TRAF3IP1: variants seen among roughly 807,000 people sequenced by gnomAD.
TRAF3IP1 encodes the protein intraflagellar transport 54.
Under a neutral mutation model 89.9 loss-of-function variants are expected in TRAF3IP1, and 53 were observed. The ratio of observed to expected loss-of-function variants is 0.59; its 90% CI spans 0.47 to 0.74. The LOEUF (loss-of-function observed/expected upper bound fraction) is 0.74. TRAF3IP1 is among the 30% of genes least tolerant of loss of function. The probability of loss-of-function intolerance (pLI) is 0.00; values close to 1 mark genes in which losing one functional copy is unlikely to be tolerated. For synonymous variants in TRAF3IP1, 311 were observed against 322.1 expected (o/e 0.97, Z 0.37); for missense variants, 806 against 866.1 (o/e 0.93, Z 0.87).
At chr2:238,382,559 G>A (rs549476332) in intron 15 of TRAF3IP1, among the ~76,000 whole-genome samples, 53 of 152,294 alleles carry the variant, frequency 3.5e-4, no homozygotes, top group African/African-American at 1.0e-3. Context: ...AGGTCGGGGA[G>A]GATGAGGGAC....
intron 8 of TRAF3IP1, among the ~76,000 whole-genome samples, chr2:238,340,396 A>G (rs1698585399): frequency 6.6e-6 from 1 of 152,108 alleles, no homozygotes; most frequent in African/African-American, 2.4e-5. Flanking sequence ...CCTTTGTTGC[A>G]CTGACTGACC....
intron 15 of TRAF3IP1, among the ~76,000 whole-genome samples, chr2:238,371,662 C>T (rs57422178): frequency 0.11 from 16,932 of 152,156 alleles, 1,554 homozygotes; most frequent in African/African-American, 0.25. Context: ...AGAAAACTGA[C>T]GAATCCCAAC....
intron 6 of TRAF3IP1, 124 bp from the exon 7 acceptor site, chr2:238,333,836 C>A: frequency 1.3e-6 from 1 of 769,484 alleles, no homozygotes; most frequent in Non-Finnish European, 2.1e-6. Context: ...GTTTTTAAAG[C>A]ATATGGGCAC....
chr2:238,379,186 T>C lies in TRAF3IP1; in HGVS notation c.1690-18273T>C, dbSNP rs1024632801. ...AGGTTACCTGGAGGCTGCTGGTCTC[T>C]CGGGCCGGACAACCCCCACCCCATT... On this transcript the variant is annotated intron_variant, in intron 15 of 16. Transcript: ENST00000373327. This position sits in a 1 kb window ranked among gnomAD's most constrained non-coding sequence, Gnocchi z 4.0. Among the ~76,000 whole-genome samples the C allele has an allele frequency of 6.6e-6, 1 of 152,208 alleles. No individual in the cohort carries two copies. Among genetic ancestry groups the C allele is most frequent in the Admixed American group, 6.5e-5 (1 of 15,282 alleles).
intron 9 of TRAF3IP1, among the ~76,000 whole-genome samples, chr2:238,346,830 A>G (rs933841319): frequency 5.3e-5 from 8 of 152,068 alleles, no homozygotes; most frequent in African/African-American, 1.9e-4. Context: ...GAGATTTCCC[A>G]CCTGTGGTTT....
At chr2:238,352,229 C>A (rs376343800) in intron 12 of TRAF3IP1, among the ~76,000 whole-genome samples, 1 of 152,036 alleles carries the variant, frequency 6.6e-6, no homozygotes, top group Non-Finnish European at 1.5e-5. Context: ...GGCTGTTGGA[C>A]GCTGACTTGC....
chr2:238,385,089 C>T (rs1354903441), intron 15 of TRAF3IP1, among the ~76,000 whole-genome samples: 8 of 151,884 alleles, frequency 5.3e-5, no homozygotes, highest in Non-Finnish European at 1.2e-4. Context: ...GATCTCGGCT[C>T]ACTGCAATCT....
intron 9 of TRAF3IP1, chr2:238,347,201 C>T: frequency 4.4e-6 from 2 of 458,092 alleles, no homozygotes; most frequent in East Asian, 3.8e-5. Context: ...GCTTTCTCCA[C>T]ATCCCTGTGT....
At chr2:238,397,267 G>A (rs922339130) in intron 15 of TRAF3IP1, among the ~76,000 whole-genome samples, 192 bp from the exon 16 acceptor site, 1 of 152,144 alleles carries the variant, frequency 6.6e-6, no homozygotes, top group Non-Finnish European at 1.5e-5. Context: ...CTCTGATGGC[G>A]TGCAGCACTT....
chr2:238,344,499 A>G lies in TRAF3IP1; in HGVS notation c.1162A>G (p.Thr388Ala). ...AATTTTAAACTGTTTTATGTCAGGA[A>G]CAAAAGAAGCTAATATTAACTCAAC... Reference protein sequence around the residue: ...NQETTTSEIGTKEANINSTSI... With the variant: ...NQETTTSEIGAKEANINSTSI... The change falls in exon 9 of 17, where the codon ACA becomes GCA. Residue 388 changes from threonine (T) to alanine (A), a missense_variant and splice_region_variant. Thr to Ala is a moderately conservative substitution (Grantham distance 58). Coordinates refer to ENST00000373327, the MANE Select transcript of TRAF3IP1 (RefSeq NM_015650.4). 6.2e-7 allele frequency: 1 copy of G among 1,613,730 alleles called. No homozygotes were observed. Among genetic ancestry groups the G allele is most frequent in the Non-Finnish European group, 8.5e-7 (1 of 1,179,598 alleles).
intron 14 of TRAF3IP1, among the ~76,000 whole-genome samples, chr2:238,355,459 G>A (rs1480716635): frequency 6.6e-6 from 1 of 152,262 alleles, no homozygotes; most frequent in Non-Finnish European, 1.5e-5. Flanking sequence ...GCAATGCAGA[G>A]AAACCATCCT....
intron 15 of TRAF3IP1, among the ~76,000 whole-genome samples, chr2:238,383,448 C>G (rs931666290): frequency 2.0e-5 from 3 of 152,198 alleles, no homozygotes; most frequent in Non-Finnish European, 4.4e-5. Context: ...TGTCAGTCAT[C>G]ATCCAACAGG....
At position 238,320,776 on chromosome 2, in the gene TRAF3IP1, C is replaced by T; in HGVS notation, c.114C>T (p.Ile38=). The T allele has an allele frequency of 2.8e-6, 4 of 1,423,716 alleles. No individual in the cohort carries two copies. In the South Asian group the frequency reaches 4.1e-5, roughly 15 times the overall value. The allele number at this position is 1,423,716 out of a possible 1,614,324, so 88.2% of individuals were successfully genotyped here. A position where few individuals can be genotyped will look rare whatever the true frequency, so the allele number is the denominator to read the frequency against. ...CCCCGTTCCGCTACCTGCACGACATCATCACGGAGGTGGGCGCCGGGGACC... is the reference window on the plus strand; with the variant it reads ...CCCCGTTCCGCTACCTGCACGACATTATCACGGAGGTGGGCGCCGGGGACC... The part of the protein sequence containing the change: ...SKPPFRYLHD[I]ITEVIRMTGF... Residue 38 remains isoleucine, a synonymous_variant, in exon 1 of 17, where the codon ATC becomes ATT. Coordinates refer to ENST00000373327, the MANE Select transcript of TRAF3IP1 (RefSeq NM_015650.4).
chr2:238,351,865 G>A lies in TRAF3IP1; in HGVS notation c.1452-962G>A, dbSNP rs1330675014. Among the ~76,000 whole-genome samples the A allele has an allele frequency of 1.9e-5, 2 of 106,014 alleles. No homozygotes were observed. Among genetic ancestry groups the A allele is most frequent in the Non-Finnish European group, 3.7e-5 (2 of 54,732 alleles). The allele number at this position is 106,014 out of a possible 152,430, so 69.5% of individuals were successfully genotyped here. ...TGTGTGTGTGTGTGTGTGTGTGTGT[G>A]TGCGCGCGCGCGCGTGTGCGTGCAT... is the stretch of plus-strand genomic sequence containing the variant. On this transcript the variant is annotated intron_variant, in intron 12 of 16. Transcript: ENST00000373327. The surrounding 1 kb of genome is among the most constrained non-coding windows in gnomAD (Gnocchi z 5.2).
chr2:238,376,370 C>T (rs113779182), intron 15 of TRAF3IP1, among the ~76,000 whole-genome samples: 100 of 152,282 alleles, frequency 6.6e-4, no homozygotes, highest in African/African-American at 2.2e-3. Context: ...TCCACTGGCC[C>T]GCACTGATAC....
At chr2:238,381,927 A>G (rs1700567737) in intron 15 of TRAF3IP1, among the ~76,000 whole-genome samples, 1 of 152,224 alleles carries the variant, frequency 6.6e-6, no homozygotes, top group Non-Finnish European at 1.5e-5. Flanking sequence ...AGGAAGCCAC[A>G]GATGGGGAAG....
At chr2:238,356,777 A>AT (rs1332058374) in intron 15 of TRAF3IP1, among the ~76,000 whole-genome samples, 15,417 of 135,744 alleles carry the variant, frequency 0.11, 1,498 homozygotes, top group African/African-American at 0.26. Context: ...GAGACTGGGA[A>AT]TTTTTTTTTT....
chr2:238,336,141 C>G (rs1252758310), intron 7 of TRAF3IP1, among the ~76,000 whole-genome samples: 1 of 152,158 alleles, frequency 6.6e-6, no homozygotes, highest in Non-Finnish European at 1.5e-5. Flanking sequence ...TTTTGGCTTT[C>G]CTAAGCAGAC....
chr2:238,326,842 G>A (rs1697859422), intron 3 of TRAF3IP1, among the ~76,000 whole-genome samples: 1 of 152,128 alleles, frequency 6.6e-6, no homozygotes, highest in African/African-American at 2.4e-5. Flanking sequence ...ACTCCTAGGA[G>A]GCCCCCCCAG....
Sources: allele counts gnomAD v4.1 joint callset (sites outside exome capture counted in the v4.1 genomes callset), GRCh38; gene constraint gnomAD v4.1.1; non-coding constraint Gnocchi (gnomAD v3.1); transcripts MANE v1.5; gene names NCBI Gene and HGNC (gene_info 2026-07-23, HGNC 2026-07-21).